Variants in CACNA1I observed in about 807,000 individuals in gnomAD.
CACNA1I encodes the protein voltage-dependent T-type calcium channel subunit alpha-1I.
In CACNA1I, 74 loss-of-function variants were observed where a neutral mutation model predicts 201.6. That is an observed-to-expected ratio of 0.37 (90% CI 0.30 to 0.45). The LOEUF is 0.45. Among genes scored for constraint, CACNA1I ranks in the 20% least tolerant of loss-of-function variants. The pLI is 1.00. For missense variants in CACNA1I, 2,346 were observed against 3,138.1 expected (o/e 0.75, Z 6.03); for synonymous variants, 1,431 against 1,345.2 (o/e 1.06, Z -1.40).
chr22:39,606,795 G>C (rs559991324), intron 3 of CACNA1I, among the ~76,000 whole-genome samples: 1 of 152,340 alleles, frequency 6.6e-6, no homozygotes, highest in South Asian at 2.1e-4. Flanking sequence ...GCCTCCCGAA[G>C]TGCTGGGATT....
At chr22:39,633,225 G>C (rs932720265) in intron 4 of CACNA1I, among the ~76,000 whole-genome samples, 3 of 152,150 alleles carry the variant, frequency 2.0e-5, no homozygotes, top group Non-Finnish European at 2.9e-5. Flanking sequence ...AGGTGAGCCT[G>C]TCTTCTGGGC....
intron 6 of CACNA1I, 122 bp downstream of exon 6, chr22:39,641,304 C>A: frequency 2.6e-6 from 2 of 764,696 alleles, no homozygotes; most frequent in Non-Finnish European, 4.2e-6. Flanking sequence ...AGCTTGCTGG[C>A]AGAATAGGCA....
chr22:39,596,939 AG>A (rs1932907105), intron 1 of CACNA1I, among the ~76,000 whole-genome samples: 1 of 152,016 alleles, frequency 6.6e-6, no homozygotes, highest in African/African-American at 2.4e-5. Context: ...GGGGGAGGAA[AG>A]GGGGTTGCAT....
chr22:39,615,459 G>A (rs1471381800), intron 3 of CACNA1I, among the ~76,000 whole-genome samples: 1 of 152,166 alleles, frequency 6.6e-6, no homozygotes, highest in Non-Finnish European at 1.5e-5. Flanking sequence ...TCGGGACAGA[G>A]GGAGGGTGAT....
chr22:39,656,036 C>G (rs1934807033), intron 10 of CACNA1I, among the ~76,000 whole-genome samples: 1 of 152,198 alleles, frequency 6.6e-6, no homozygotes, highest in African/African-American at 2.4e-5. Flanking sequence ...TGAGCAGCAT[C>G]TGGACCCTGG....
In CACNA1I at chr22:39,678,132, G is replaced by C. The variant is rs761352419; in HGVS notation, c.5055+24G>C. On this transcript the variant is annotated intron_variant, in intron 31 of 36. Coordinates refer to ENST00000402142, the MANE Select transcript of CACNA1I (RefSeq NM_021096.4). ...AGGTACTCCTGGGCGGGCTGGGGTG[G>C]AGAAATCAGCCAGGTGCTGGGACAG... is the stretch of plus-strand genomic sequence containing the variant. 1.1e-5 allele frequency: 18 copies of C among 1,606,400 alleles called. No individual in the cohort carries two copies. In the South Asian group the frequency reaches 2.0e-4, roughly 18 times the overall value.
intron 1 of CACNA1I, among the ~76,000 whole-genome samples, chr22:39,571,591 C>T (rs547930813): frequency 6.6e-6 from 1 of 151,230 alleles, no homozygotes; most frequent in South Asian, 2.1e-4. Flanking sequence ...CCCAGCCTCA[C>T]TTCCCACCAC....
chr22:39,583,446 G>A (rs931613774), intron 1 of CACNA1I, among the ~76,000 whole-genome samples: 18 of 149,246 alleles, frequency 1.2e-4, no homozygotes, highest in Admixed American at 3.3e-4. Context: ...CCATCCACCC[G>A]CCCACCCATC....
intron 3 of CACNA1I, among the ~76,000 whole-genome samples, chr22:39,607,689 G>T (rs1933257859): frequency 6.6e-6 from 1 of 152,194 alleles, no homozygotes. Context: ...GGAACTCTAT[G>T]TAAGAAGTTC....
chr22:39,618,348 GGT>G (rs1933621487), intron 3 of CACNA1I, among the ~76,000 whole-genome samples: 1 of 147,028 alleles, frequency 6.8e-6, no homozygotes, highest in African/African-American at 2.5e-5. Context: ...TGTGTTTGTG[GGT>G]GTGTGGTTGT....
rs1301766070 is a variant in CACNA1I, at chr22:39,682,546, C to G, written c.5715C>G (p.Cys1905Trp). ...TGCGTGTGGGAGACCTGGGCGAATG[C>G]TTCTTCCCCTTGTCCTCTACGGCCG... is the stretch of plus-strand genomic sequence containing the variant. ...EPMRVGDLGE[C>W]FFPLSSTAVS... The change falls in exon 35 of 37, where the codon TGC becomes TGG. Residue 1905 changes from cysteine to tryptophan, a missense_variant. Coordinates refer to ENST00000402142, the MANE Select transcript of CACNA1I (RefSeq NM_021096.4). The G allele has an allele frequency of 6.2e-7, 1 of 1,613,662 alleles. No homozygotes were observed. Among genetic ancestry groups the G allele is most frequent in the African/African-American group, 1.3e-5 (1 of 74,914 alleles).
chr22:39,662,506 G>A, intron 17 of CACNA1I, 71 bp downstream of exon 17: 2 of 1,208,198 alleles, frequency 1.7e-6, no homozygotes, highest in Non-Finnish European at 1.1e-6. Context: ...GCCCCAGGAG[G>A]CGGGGCCCGA....
At chr22:39,680,376 T>A (rs1935667155) in intron 33 of CACNA1I, among the ~76,000 whole-genome samples, 1 of 152,144 alleles carries the variant, frequency 6.6e-6, no homozygotes, top group Non-Finnish European at 1.5e-5. Flanking sequence ...TGTGGGCCCC[T>A]GAGCTCTCCC....
chr22:39,638,736 G>A (rs1209216167), intron 5 of CACNA1I, among the ~76,000 whole-genome samples: 1 of 151,870 alleles, frequency 6.6e-6, no homozygotes, highest in Non-Finnish European at 1.5e-5. Flanking sequence ...CTTTAGATCA[G>A]CAGTCCCCAA....
chr22:39,594,317 G>A (rs1302533865), intron 1 of CACNA1I, among the ~76,000 whole-genome samples: 1 of 152,160 alleles, frequency 6.6e-6, no homozygotes, highest in African/African-American at 2.4e-5. Context: ...GGCAGGAGGG[G>A]CAGAGGGAGC....
chr22:39,680,214 G>A (rs995718597), intron 33 of CACNA1I, among the ~76,000 whole-genome samples: 5 of 152,298 alleles, frequency 3.3e-5, no homozygotes, highest in African/African-American at 9.6e-5. Context: ...TCATCTGCCC[G>A]CTCTTCCCCC....
At chr22:39,605,866 C>T (rs903113126) in intron 3 of CACNA1I, among the ~76,000 whole-genome samples, 1 of 151,972 alleles carries the variant, frequency 6.6e-6, no homozygotes, top group African/African-American at 2.4e-5. Context: ...AGGTGAGTGA[C>T]AGGGGATGCT....
At position 39,662,341 on chromosome 22, in the gene CACNA1I, A is replaced by G. The variant is rs1236421880; in HGVS notation, c.3278A>G (p.Asp1093Gly). 5 of 1,486,268 alleles carry G rather than the reference A, an allele frequency of 3.4e-6. No individual in the cohort carries two copies. Among genetic ancestry groups the G allele is most frequent in the East Asian group, 2.7e-5 (1 of 36,616 alleles). 92.1% of individuals were successfully genotyped at this position (1,486,268 alleles called of 1,614,324 possible). ...GCAGGCCCGGCCCCCGGGCATGAGGACTGCAATGGCAGGATGCCCAGCATC... is the reference window on the plus strand; with the variant it reads ...GCAGGCCCGGCCCCCGGGCATGAGGGCTGCAATGGCAGGATGCCCAGCATC... ...RAAGPAPGHE[D>G]CNGRMPSIAK... The change falls in exon 17 of 37, where the codon GAC (aspartate) becomes GGC (glycine). Residue 1093 changes from aspartate (D) to glycine (G), a missense_variant. Coordinates refer to ENST00000402142, the MANE Select transcript of CACNA1I (RefSeq NM_021096.4).
rs1935855882 is a variant in CACNA1I at position 39,685,999 on chromosome 22, GC to G, written c.6267del (p.Ser2089ArgfsTer183). On this transcript the variant is annotated frameshift_variant, in exon 37 of 37. Transcript: ENST00000402142. LOFTEE classifies it low-confidence loss of function (END_TRUNC). The surrounding 1 kb of genome is among the most constrained non-coding windows in gnomAD (Gnocchi z 5.0). ...CGGGCGCATCAGCGCAGCCACAGCA[GC>G]GGGGGCTCCACCAGCCCGGGCTGCA... Reference protein sequence around the residue: ...GLRAHQRSHSSGGSTSPGCTH... With the variant: ...GLRAHQRSHSXGGSTSPGCTH... The G allele has an allele frequency of 2.4e-6, 3 of 1,245,154 alleles. No homozygotes were observed. The highest frequency in any genetic ancestry group is 3.0e-6 in the Non-Finnish European group (3 of 999,818). The allele number at this position is 1,245,154 out of a possible 1,614,324, so 77.1% of individuals were successfully genotyped here.
Sources: allele counts gnomAD v4.1 joint callset (sites outside exome capture counted in the v4.1 genomes callset), GRCh38; gene constraint gnomAD v4.1.1; non-coding constraint Gnocchi (gnomAD v3.1); transcripts MANE v1.5; gene names NCBI Gene and HGNC (gene_info 2026-07-23, HGNC 2026-07-21).